Variants in LMAN2L observed in about 807,000 individuals in gnomAD.
The protein encoded by LMAN2L is VIP36-like protein.
Under a neutral mutation model 44.3 loss-of-function variants are expected in LMAN2L, and 30 were observed. That is an observed-to-expected ratio of 0.68 (90% CI 0.51 to 0.92). The LOEUF (loss-of-function observed/expected upper bound fraction) is 0.92, where lower values mean the gene tolerates loss of function less well. Ranked by LOEUF, LMAN2L falls within the 40% of genes least tolerant of loss-of-function variation. The pLI is 0.00. For missense variants in LMAN2L, 429 were observed against 446.1 expected, an observed-to-expected ratio of 0.96 and a Z score of 0.35; for synonymous variants, 183 against 171.1, an observed-to-expected ratio of 1.07 and a Z score of -0.54.
Position 96,739,932 on chromosome 2 carries a change from G to A in LMAN2L, c.109C>T (p.Gln37Ter), listed in dbSNP as rs879636220. Residue 37 changes from glutamine to a stop codon, truncating the protein, a stop_gained, in exon 1 of 8, where the codon CAG (glutamine) becomes TAG (stop). Coordinates refer to ENST00000264963, the MANE Select transcript of LMAN2L (RefSeq NM_030805.4). LOFTEE classifies it high-confidence loss of function. ...CCCGCCCCGACTTGCTGTGGCCCCTGCCCAGACCCCAACAAAAGAAGAAGG... is the reference window on the plus strand; with the variant it reads ...CCCGCCCCGACTTGCTGTGGCCCCTACCCAGACCCCAACAAAAGAAGAAGG... ...LLLLLLLGSG[Q>*]GPQQVGAGQT... 1.2e-6 allele frequency: 2 copies of A among 1,614,006 alleles called. No homozygotes were observed. Among genetic ancestry groups the A allele is most frequent in the Non-Finnish European group, 1.7e-6 (2 of 1,180,010 alleles).
intron 2 of LMAN2L, chr2:96,737,060 CAG>C: frequency 2.3e-6 from 1 of 426,626 alleles, no homozygotes; most frequent in Non-Finnish European, 4.6e-6. Context: ...CAAAGGATGC[CAG>C]AGTCATGCCC....
At chr2:96,739,806 T>C (rs1180776286) in intron 1 of LMAN2L, 48 bp downstream of exon 1, 1 of 1,590,092 alleles carries the variant, frequency 6.3e-7, no homozygotes, top group African/African-American at 1.3e-5. Context: ...TGAAATCAAG[T>C]CCCGAAGCCC....
intron 6 of LMAN2L, among the ~76,000 whole-genome samples, chr2:96,709,495 C>A (rs574111807): frequency 2.6e-5 from 4 of 152,254 alleles, no homozygotes; most frequent in East Asian, 1.9e-4. Flanking sequence ...CTGACTGGGG[C>A]CTGGATTTCT....
Position 96,739,957 on chromosome 2 carries a change from G to T in LMAN2L, c.84C>A (p.Leu28=), listed in dbSNP as rs1213721252. The T allele has an allele frequency of 2.5e-6, 4 of 1,613,858 alleles. No homozygotes were observed. The highest frequency in any genetic ancestry group is 3.4e-6 in the Non-Finnish European group (4 of 1,180,030). Residue 28 remains leucine (L), a synonymous_variant, in exon 1 of 8, where the codon CTC becomes CTA. Coordinates refer to ENST00000264963, the MANE Select transcript of LMAN2L (RefSeq NM_030805.4). ...LSARDGSRML[L]LLLLLGSGQG... ...GCCCAGACCCCAACAAAAGAAGAAG[G>T]AGTAACATCCTGGACCCATCCCGAG...
chr2:96,734,519 A>T lies in LMAN2L; in HGVS notation c.314T>A (p.Phe105Tyr). 6.3e-7 allele frequency: 1 copy of T among 1,595,386 alleles called. No homozygotes were observed. The highest frequency in any genetic ancestry group is 8.6e-7 in the Non-Finnish European group (1 of 1,162,780). ...CACCTGCAACTCCCAGTCTCTCAGG[A>T]AACATGGCTAAAGTGAGAAAGACAT... ...QGALWNRVPC[F>Y]LRDWELQVHF... Residue 105 changes from phenylalanine to tyrosine, a missense_variant, in exon 3 of 8, where the codon TTC becomes TAC. Transcript: ENST00000264963.
intron 2 of LMAN2L, among the ~76,000 whole-genome samples, chr2:96,735,424 G>A (rs1470222997): frequency 6.6e-6 from 1 of 152,196 alleles, no homozygotes; most frequent in East Asian, 1.9e-4. Flanking sequence ...GAAGTACACA[G>A]TCAAAATGAA....
chr2:96,707,822 C>T lies in LMAN2L; in HGVS notation c.796G>A (p.Val266Ile). Residue 266 changes from valine (V) to isoleucine (I), a missense_variant, in exon 7 of 8, where the codon GTC (valine) becomes ATC (isoleucine). Val to Ile is a conservative substitution (Grantham distance 29). Transcript: ENST00000264963. ...AGTTCAAACAACTTCAAGGAAATGA[C>T]ATCATGATTATCTGAAGAAAAATGG... ...ITGDLSDNHD[V>I]ISLKLFELTV... The T allele has an allele frequency of 6.2e-7, 1 of 1,613,696 alleles. No individual in the cohort carries two copies. Among genetic ancestry groups the T allele is most frequent in the Non-Finnish European group, 8.5e-7 (1 of 1,179,768 alleles).
At chr2:96,732,095 T>C in intron 4 of LMAN2L, among the ~76,000 whole-genome samples, 1 of 151,948 alleles carries the variant, frequency 6.6e-6, no homozygotes, top group Admixed American at 6.6e-5. Flanking sequence ...TCAAGTAATC[T>C]GCCCACCTCG....
Position 96,734,581 on chromosome 2 carries a change from A to C in LMAN2L, c.307-55T>G, listed in dbSNP as rs200641230. Reference sequence around the variant, plus strand: ...AGGAGCATGAAATGCAAAACCCCTCAAGCCCACATCAGCAATCAACAGACT... The same window carrying C: ...AGGAGCATGAAATGCAAAACCCCTCCAGCCCACATCAGCAATCAACAGACT... On this transcript the variant is annotated intron_variant, in intron 2 of 7. Transcript: ENST00000264963. 1.2e-3 allele frequency: 1,377 copies of C among 1,105,304 alleles called. 14 individuals carry two copies. The highest frequency in any genetic ancestry group is 4.9e-3 in the Middle Eastern group (25 of 5,072). The allele number at this position is 1,105,304 out of a possible 1,614,324, so 68.5% of individuals were successfully genotyped here.
At chr2:96,713,919 C>T (rs2077981747) in intron 4 of LMAN2L, among the ~76,000 whole-genome samples, 1 of 152,198 alleles carries the variant, frequency 6.6e-6, no homozygotes, top group African/African-American at 2.4e-5. Context: ...ACAAGCTCAG[C>T]TCAGCTCTGC....
chr2:96,714,266 C>T (rs568118232), intron 4 of LMAN2L, among the ~76,000 whole-genome samples: 33 of 152,284 alleles, frequency 2.2e-4, no homozygotes, highest in African/African-American at 7.7e-4. Context: ...ATGAGGGTGG[C>T]ACATTCAAGG....
At chr2:96,737,720 C>T (rs568988200) in intron 2 of LMAN2L, among the ~76,000 whole-genome samples, 1 of 151,906 alleles carries the variant, frequency 6.6e-6, no homozygotes, top group East Asian at 1.9e-4. Flanking sequence ...GAATTAACGA[C>T]ATTTCAGGAA....
At chr2:96,720,279 G>A (rs2078123189) in intron 4 of LMAN2L, among the ~76,000 whole-genome samples, 1 of 152,040 alleles carries the variant, frequency 6.6e-6, no homozygotes, top group South Asian at 2.1e-4. Flanking sequence ...GACCGCAACG[G>A]TTACACTCTG....
chr2:96,707,449 G>C, intron 7 of LMAN2L, 51 bp from the exon 8 acceptor site: 1 of 1,568,180 alleles, frequency 6.4e-7, no homozygotes, highest in Non-Finnish European at 8.6e-7. Context: ...CCACCCAATA[G>C]GGAAGGATCA....
rs2077773473 is a variant in LMAN2L at position 96,706,090 on chromosome 2, A to G, written c.*1166T>C. On this transcript the variant is annotated 3_prime_UTR_variant, in exon 8 of 8. Transcript: ENST00000264963. ...ACCCCTTGTCAAATAAGGCAGTGGA[A>G]TAAGGGTTGACAGAGGCCAGCACTC... is the stretch of plus-strand genomic sequence containing the variant. The G allele has an allele frequency of 6.6e-6, 1 of 152,638 alleles. No individual in the cohort carries two copies. The highest frequency in any genetic ancestry group is 2.4e-5 in the African/African-American group (1 of 41,446). 9.5% of individuals were successfully genotyped at this position (152,638 alleles called of 1,614,324 possible).
At chr2:96,736,602 A>T (rs2078521144) in intron 2 of LMAN2L, among the ~76,000 whole-genome samples, 1 of 152,192 alleles carries the variant, frequency 6.6e-6, no homozygotes, top group African/African-American at 2.4e-5. Context: ...TAATAACATA[A>T]CACATATTTC....
intron 4 of LMAN2L, among the ~76,000 whole-genome samples, chr2:96,725,694 C>G (rs2078256339): frequency 6.6e-6 from 1 of 151,884 alleles, no homozygotes; most frequent in African/African-American, 2.4e-5. Context: ...ATCTGCCCGC[C>G]TCAGCCTCCC....
chr2:96,720,475 C>CT lies in LMAN2L; in HGVS notation c.508-8451dup, dbSNP rs74265067. 3.7e-3 allele frequency among the ~76,000 whole-genome samples: 529 copies of CT among 142,104 alleles called. 1 individual carries two copies. The highest frequency in any genetic ancestry group is 7.3e-3 in the Middle Eastern group (2 of 274). 93.2% of individuals were successfully genotyped at this position (142,104 alleles called of 152,430 possible). A position where few individuals can be genotyped will look rare whatever the true frequency, so the allele number is the denominator to read the frequency against. ...TGCAAGATAATCAGGTTATCTTTAC[C>CT]TTTTTTTTTTTTTTGATTTTTTGTA... On this transcript the variant is annotated intron_variant, in intron 4 of 7. Coordinates refer to ENST00000264963, the MANE Select transcript of LMAN2L (RefSeq NM_030805.4).
At chr2:96,716,454 T>TTGTCTAGTAAG (rs2078042360) in intron 4 of LMAN2L, among the ~76,000 whole-genome samples, 1 of 152,228 alleles carries the variant, frequency 6.6e-6, no homozygotes, top group Non-Finnish European at 1.5e-5. Context: ...TCTCAAACCA[T>TTGTCTAGTAAG]ACCATTGTCT....
Sources: gnomAD v4.1 joint callset for allele counts (sites outside exome capture counted in the v4.1 genomes callset) on GRCh38, gnomAD v4.1.1 for gene constraint, MANE v1.5 for transcripts, NCBI Gene and HGNC (gene_info 2026-07-23, HGNC 2026-07-21) for gene names.